COL4A1: variants seen among roughly 807,000 people sequenced by gnomAD.
COL4A1 encodes collagen type IV alpha 1 chain.
COL4A1 carries 40 observed loss-of-function variants against 216.6 expected under a neutral mutation model. The observed-to-expected ratio is 0.18, with a 90% CI of 0.14 to 0.24. COL4A1 has a LOEUF of 0.24. Ranked by LOEUF, COL4A1 falls within the 10% of genes least tolerant of loss-of-function variation. The pLI is 1.00. For synonymous variants in COL4A1, 839 were observed against 810.7 expected (o/e 1.03, Z -0.59); for missense variants, 1,628 against 2,196.8 (o/e 0.74, Z 5.18).
At chr13:110,255,270 C>T (rs1345811022) in intron 1 of COL4A1, among the ~76,000 whole-genome samples, 1 of 152,152 alleles carries the variant, frequency 6.6e-6, no homozygotes, top group East Asian at 2.0e-4. Flanking sequence ...TGAGGGAGAC[C>T]TATCCCATTC....
At chr13:110,219,678 G>GTATATATATGTATATATATA (rs1555307861) in intron 2 of COL4A1, among the ~76,000 whole-genome samples, 2 of 123,236 alleles carry the variant, frequency 1.6e-5, no homozygotes, top group Admixed American at 8.5e-5. Context: ...ATATATATAT[G>GTATATATATGTATATATATA]TGTATATATA....
At chr13:110,265,177 A>C (rs903352) in intron 1 of COL4A1, 66,179 of 151,762 alleles carry the variant, frequency 0.44, 15,059 homozygotes, top group East Asian at 0.61. Flanking sequence ...TTCCTTTCAG[A>C]CAGATGAAAG....
At position 110,161,195 on chromosome 13, in the gene COL4A1, C is replaced by T; in HGVS notation, c.4637G>A (p.Ser1546Asn). The T allele has an allele frequency of 6.2e-7, 1 of 1,614,178 alleles. No homozygotes were observed. Among genetic ancestry groups the T allele is most frequent in the Non-Finnish European group, 8.5e-7 (1 of 1,180,018 alleles). The change falls in exon 49 of 52, where the codon AGT (serine) becomes AAT (asparagine). Residue 1546 changes from serine (S) to asparagine (N), a missense_variant. Around this residue, in one of 8 missense-constraint regions of COL4A1, gnomAD observed 254 missense variants for 300.1 expected, o/e 0.85. Coordinates refer to ENST00000375820, the MANE Select transcript of COL4A1 (RefSeq NM_001845.6). ...TTCCTACAGATGCTCGACTCACCTA[C>T]TAATAAATGGTCTTATGTTTTCCCC... ...ITGENIRPFI[S>N]RCAVCEAPAM...
intron 1 of COL4A1, among the ~76,000 whole-genome samples, chr13:110,269,714 T>C (rs915810518): frequency 1.3e-5 from 2 of 152,046 alleles, no homozygotes; most frequent in African/African-American, 4.8e-5. Context: ...AGGTGCCAGC[T>C]GACCACAGGG....
At chr13:110,229,654 A>G (rs1176116261) in intron 2 of COL4A1, among the ~76,000 whole-genome samples, 1 of 152,178 alleles carries the variant, frequency 6.6e-6, no homozygotes, top group Admixed American at 6.5e-5. Context: ...GTTCTTAGAA[A>G]AAAGACCCCA....
chr13:110,238,601 C>T (rs1881425982), intron 2 of COL4A1, among the ~76,000 whole-genome samples: 1 of 152,182 alleles, frequency 6.6e-6, no homozygotes, highest in South Asian at 2.1e-4. Flanking sequence ...GTTTTCCCAA[C>T]AGATTCTCCT....
At chr13:110,209,028 G>C in intron 11 of COL4A1, 138 bp from the exon 12 acceptor site, 1 of 934,436 alleles carries the variant, frequency 1.1e-6, no homozygotes, top group Non-Finnish European at 1.7e-6. Context: ...AAAATTTTCT[G>C]GAAAGTAACG....
At chr13:110,220,184 C>T (rs1256197412) in intron 2 of COL4A1, among the ~76,000 whole-genome samples, 2 of 151,950 alleles carry the variant, frequency 1.3e-5, no homozygotes, top group Admixed American at 6.6e-5. Flanking sequence ...GTGATTTGTC[C>T]GCCTTGTCCT....
chr13:110,295,716 G>A (rs534973837), intron 1 of COL4A1, among the ~76,000 whole-genome samples: 9 of 152,214 alleles, frequency 5.9e-5, no homozygotes, highest in African/African-American at 9.6e-5. Flanking sequence ...ATGAGCCACC[G>A]CACCCAGCCT....
At chr13:110,156,989 T>G (rs990532144) in intron 49 of COL4A1, among the ~76,000 whole-genome samples, 2 of 152,320 alleles carry the variant, frequency 1.3e-5, no homozygotes, top group Admixed American at 6.5e-5. Flanking sequence ...CTTATACATC[T>G]GCCACCATCT....
chr13:110,241,754 A>G (rs2139244726), intron 2 of COL4A1, among the ~76,000 whole-genome samples: 1 of 152,374 alleles, frequency 6.6e-6, no homozygotes, highest in Middle Eastern at 3.4e-3. Flanking sequence ...AAGAAACCAC[A>G]GAATTTTCTG....
chr13:110,243,917 T>G (rs950512905), intron 1 of COL4A1, among the ~76,000 whole-genome samples: 4 of 152,224 alleles, frequency 2.6e-5, no homozygotes, highest in African/African-American at 4.8e-5. Flanking sequence ...CATGAAAAGA[T>G]AGAAATACGT....
At chr13:110,195,486 A>G (rs1878844778) in intron 21 of COL4A1, among the ~76,000 whole-genome samples, 1 of 152,210 alleles carries the variant, frequency 6.6e-6, no homozygotes, top group African/African-American at 2.4e-5. Context: ...TGATTTGTCC[A>G]GGGTCATGCA....
intron 1 of COL4A1, among the ~76,000 whole-genome samples, chr13:110,243,467 G>A (rs1881652802): frequency 6.6e-6 from 1 of 152,016 alleles, no homozygotes; most frequent in Non-Finnish European, 1.5e-5. Context: ...ACAGGCATCC[G>A]CCACCACACC....
At chr13:110,225,746 C>CCGGG (rs1880711755) in intron 2 of COL4A1, among the ~76,000 whole-genome samples, 1 of 152,134 alleles carries the variant, frequency 6.6e-6, no homozygotes, top group African/African-American at 2.4e-5. Flanking sequence ...ACGCGGAGCT[C>CCGGG]CGGGCGCCCT....
At chr13:110,228,557 A>G (rs1594603110) in intron 2 of COL4A1, among the ~76,000 whole-genome samples, 1 of 152,312 alleles carries the variant, frequency 6.6e-6, no homozygotes, top group South Asian at 2.1e-4. Context: ...TCTTTGAAAC[A>G]CAGGGAAGAC....
At chr13:110,200,986 T>A in intron 19 of COL4A1, 97 bp from the exon 20 acceptor site, 2 of 1,341,678 alleles carry the variant, frequency 1.5e-6, no homozygotes, top group Non-Finnish European at 2.1e-6. Context: ...GGTGCATTGG[T>A]AAGTGTCCAT....
Position 110,178,107 on chromosome 13 carries a change from G to A in COL4A1, c.2583C>T (p.Gly861=), listed in dbSNP as rs765467440. ...CAGGAGCCCCCTGCTGTCCAGGAAG[G>A]CCAGGGAGCCCCGACTGTCCCGTTA... is the stretch of plus-strand genomic sequence containing the variant. ...PGITGQSGLP[G]LPGQQGAPGI... The change falls in exon 32 of 52, where the codon GGC becomes GGT. Residue 861 remains glycine, a synonymous_variant. Coordinates refer to ENST00000375820, the MANE Select transcript of COL4A1 (RefSeq NM_001845.6). 1.2e-6 allele frequency: 2 copies of A among 1,614,170 alleles called. No individual in the cohort carries two copies. The highest frequency in any genetic ancestry group is 1.7e-6 in the Non-Finnish European group (2 of 1,180,040).
At position 110,192,824 on chromosome 13, in the gene COL4A1, T is replaced by C. The variant is rs1878700359; in HGVS notation, c.1465+6A>G. The C allele has an allele frequency of 1.2e-6, 2 of 1,612,922 alleles. No individual in the cohort carries two copies. The highest frequency in any genetic ancestry group is 2.7e-5 in the African/African-American group (2 of 74,804). On this transcript the variant is annotated splice_donor_region_variant and intron_variant, in intron 23 of 51. Transcript: ENST00000375820. ...TGACCTGGTCCTTTTCACATGTGGG[T>C]CTTACCTATTTCTCCCGGGGGTCCC... is the stretch of plus-strand genomic sequence containing the variant.
Sources: allele counts gnomAD v4.1 joint callset (sites outside exome capture counted in the v4.1 genomes callset), GRCh38; gene constraint gnomAD v4.1.1; regional missense constraint gnomAD v4.1.1; transcripts MANE v1.5; gene names NCBI Gene and HGNC (gene_info 2026-07-23, HGNC 2026-07-21).